The following CSMD1 variants were observed in gnomAD, a reference collection of about 807,000 sequenced individuals.
CSMD1 encodes CUB and sushi domain-containing protein 1.
Under a neutral mutation model 417.5 loss-of-function variants are expected in CSMD1, and 213 were observed. That is an observed-to-expected ratio of 0.51 (90% CI 0.46 to 0.57). The LOEUF is 0.57. Ranked by LOEUF, CSMD1 falls within the 20% of genes least tolerant of loss-of-function variation. The pLI is 0.00. For missense variants in CSMD1, 6,923 were observed against 4,529.7 expected, an observed-to-expected ratio of 1.53 and a Z score of -15.17; for synonymous variants, 2,862 against 1,736.8, an observed-to-expected ratio of 1.65 and a Z score of -16.11.
At chr8:3,229,532 A>G (rs924351443) in intron 27 of CSMD1, among the ~76,000 whole-genome samples, 21 of 152,224 alleles carry the variant, frequency 1.4e-4, no homozygotes, top group African/African-American at 4.8e-4. Context: ...TAAAATGTCA[A>G]TAAATTTCAG....
chr8:4,399,962 T>C (rs1292326312), intron 3 of CSMD1, among the ~76,000 whole-genome samples: 1 of 152,186 alleles, frequency 6.6e-6, no homozygotes, highest in African/African-American at 2.4e-5. Flanking sequence ...TCTGGACCAA[T>C]GTATTAGCAC....
intron 1 of CSMD1, among the ~76,000 whole-genome samples, chr8:4,904,331 C>A (rs968227412): frequency 2.0e-5 from 3 of 152,192 alleles, no homozygotes; most frequent in African/African-American, 7.2e-5. Context: ...TTTATTACAT[C>A]TATGAGTATT....
At chr8:4,787,245 G>A (rs1340632492) in intron 1 of CSMD1, 7 of 523,960 alleles carry the variant, frequency 1.3e-5, no homozygotes, top group Non-Finnish European at 2.1e-5. Context: ...CTCCTTCCCC[G>A]CCCAGAGATG....
At chr8:4,168,913 G>A (rs371065005) in intron 3 of CSMD1, among the ~76,000 whole-genome samples, 5 of 152,142 alleles carry the variant, frequency 3.3e-5, no homozygotes, top group Admixed American at 6.5e-5. Flanking sequence ...GCCAGTGCCA[G>A]GCCTTGCTCT....
At chr8:3,993,882 AAGAT>A (rs1224346425) in intron 5 of CSMD1, among the ~76,000 whole-genome samples, 2 of 152,188 alleles carry the variant, frequency 1.3e-5, no homozygotes, top group Non-Finnish European at 2.9e-5. Flanking sequence ...GGATCGACAA[AAGAT>A]AGGCAGTGGG....
intron 5 of CSMD1, among the ~76,000 whole-genome samples, chr8:3,906,019 T>C (rs1422252453): frequency 6.6e-6 from 1 of 152,132 alleles, no homozygotes; most frequent in Non-Finnish European, 1.5e-5. Flanking sequence ...CTTTTTATTT[T>C]CCCCGCTTTT....
rs546085825 is a variant in CSMD1 at position 4,626,615 on chromosome 8, G to C, written c.302+10727C>G. On this transcript the variant is annotated intron_variant, in intron 2 of 69. Coordinates refer to ENST00000635120, the MANE Select transcript of CSMD1 (RefSeq NM_033225.6). ...AATCCAGTCAGGGTCAGGACCGCAG[G>C]GGGCAGGGTGTGGGAGGGCAGGGCG... Among the ~76,000 whole-genome samples the C allele has an allele frequency of 4.6e-5, 7 of 152,094 alleles. No individual in the cohort carries two copies. In the South Asian group the frequency reaches 1.0e-3, roughly 23 times the overall value.
intron 5 of CSMD1, among the ~76,000 whole-genome samples, chr8:3,818,833 G>A (rs914025705): frequency 6.6e-6 from 1 of 152,176 alleles, no homozygotes; most frequent in Non-Finnish European, 1.5e-5. Flanking sequence ...TAACTACTGT[G>A]AATGACAAGA....
chr8:3,552,999 G>A (rs759616699), intron 10 of CSMD1, among the ~76,000 whole-genome samples: 3 of 151,898 alleles, frequency 2.0e-5, no homozygotes, highest in Admixed American at 6.6e-5. Flanking sequence ...GACCTGTCAC[G>A]TACTGTCTGT....
intron 5 of CSMD1, among the ~76,000 whole-genome samples, chr8:3,982,072 G>A (rs781548589): frequency 6.6e-6 from 1 of 151,662 alleles, no homozygotes; most frequent in African/African-American, 2.4e-5. Flanking sequence ...GCAGGAGAAT[G>A]GGGTGAACCT....
intron 2 of CSMD1, among the ~76,000 whole-genome samples, chr8:4,605,439 G>T (rs1800815003): frequency 6.6e-6 from 1 of 152,018 alleles, no homozygotes; most frequent in Non-Finnish European, 1.5e-5. Context: ...GACTATAATG[G>T]TCCCCAGAAT....
At chr8:3,444,057 T>C (rs145744473) in intron 12 of CSMD1, among the ~76,000 whole-genome samples, 41 of 152,202 alleles carry the variant, frequency 2.7e-4, no homozygotes, top group Middle Eastern at 3.4e-3. Context: ...TGAAATCTTG[T>C]CTCTTTGTTC....
intron 5 of CSMD1, among the ~76,000 whole-genome samples, chr8:3,955,720 G>C (rs571805911): frequency 1.4e-5 from 2 of 147,318 alleles, no homozygotes; most frequent in Non-Finnish European, 3.0e-5. Flanking sequence ...AAGATTCTTC[G>C]AGAACTGCCT....
intron 5 of CSMD1, among the ~76,000 whole-genome samples, chr8:3,901,933 A>T (rs79196115): frequency 6.6e-6 from 1 of 152,290 alleles, no homozygotes; most frequent in East Asian, 1.9e-4. Context: ...TATGAACAAG[A>T]GGACCAGACA....
chr8:4,558,936 T>A (rs1798211404), intron 2 of CSMD1, among the ~76,000 whole-genome samples: 1 of 152,298 alleles, frequency 6.6e-6, no homozygotes, highest in South Asian at 2.1e-4. Flanking sequence ...ATCATGTTTT[T>A]TTTTCTGACC....
At chr8:4,251,972 A>T (rs1261550789) in intron 3 of CSMD1, among the ~76,000 whole-genome samples, 3 of 152,066 alleles carry the variant, frequency 2.0e-5, no homozygotes, top group African/African-American at 7.2e-5. Context: ...CAATGGAGGT[A>T]AGGAGAAAAC....
chr8:3,511,016 G>A (rs747920063), intron 10 of CSMD1, among the ~76,000 whole-genome samples: 10 of 151,768 alleles, frequency 6.6e-5, no homozygotes, highest in Non-Finnish European at 1.3e-4. Flanking sequence ...CAAAGAAAAC[G>A]TGGCACTTAT....
intron 3 of CSMD1, among the ~76,000 whole-genome samples, chr8:4,134,470 A>G (rs988890007): frequency 1.3e-5 from 2 of 152,196 alleles, no homozygotes; most frequent in African/African-American, 4.8e-5. Context: ...AGGAGATACC[A>G]AACCTGCTAT....
At chr8:3,656,626 T>C (rs921553733) in intron 7 of CSMD1, among the ~76,000 whole-genome samples, 1 of 152,174 alleles carries the variant, frequency 6.6e-6, no homozygotes, top group African/African-American at 2.4e-5. Context: ...TGCAGCTGTC[T>C]TTCTATTACA....
Sources: allele counts gnomAD v4.1 joint callset (sites outside exome capture counted in the v4.1 genomes callset), GRCh38; gene constraint gnomAD v4.1.1; transcripts MANE v1.5; gene names NCBI Gene and HGNC (gene_info 2026-07-23, HGNC 2026-07-21).